EFNA5: variants seen among roughly 807,000 people sequenced by gnomAD.
The protein encoded by EFNA5 is ephrin A5.
Under a neutral mutation model 22.9 loss-of-function variants are expected in EFNA5, and 5 were observed. The ratio of observed to expected loss-of-function variants is 0.22; its 90% CI spans 0.11 to 0.46. The LOEUF (loss-of-function observed/expected upper bound fraction) is 0.46, where lower values mean the gene tolerates loss of function less well. Ranked by LOEUF, EFNA5 falls within the 20% of genes least tolerant of loss-of-function variation. The probability of loss-of-function intolerance (pLI) is 0.99; values close to 1 mark genes in which losing one functional copy is unlikely to be tolerated. For synonymous variants in EFNA5, 113 were observed against 112.2 expected (o/e 1.01, Z -0.04); for missense variants, 237 against 293.3 (o/e 0.81, Z 1.40).
In EFNA5 at chr5:107,447,281, T is replaced by C. The variant is rs192913256; in HGVS notation, c.126-19772A>G. Among the ~76,000 whole-genome samples, 9 of 152,024 alleles carry C rather than the reference T, an allele frequency of 5.9e-5. No homozygotes were observed. The East Asian group carries it at 1.7e-3, about 29-fold the overall frequency. On this transcript the variant is annotated intron_variant, in intron 1 of 4. Coordinates refer to ENST00000333274, the MANE Select transcript of EFNA5 (RefSeq NM_001962.3). ...ACTGCATTAGACTAAATGATGTTTC[T>C]CTACAGGAAGGCCTGTTTTAACTTA...
intron 2 of EFNA5, among the ~76,000 whole-genome samples, chr5:107,392,270 A>G (rs1170150885): frequency 6.6e-6 from 1 of 152,078 alleles, no homozygotes; most frequent in Non-Finnish European, 1.5e-5. Flanking sequence ...ACTTGCTTCT[A>G]AAGAGTAGAA....
At chr5:107,517,715 A>AC (rs1279481633) in intron 1 of EFNA5, among the ~76,000 whole-genome samples, 2 of 152,172 alleles carry the variant, frequency 1.3e-5, no homozygotes, top group East Asian at 1.9e-4. Flanking sequence ...ATATTATGCA[A>AC]TGTATGTGAT....
chr5:107,521,692 A>C (rs952109953), intron 1 of EFNA5, among the ~76,000 whole-genome samples: 1 of 152,080 alleles, frequency 6.6e-6, no homozygotes, highest in Admixed American at 6.6e-5. Context: ...ACTGTACTGC[A>C]TATCGCCAGC....
chr5:107,506,798 C>A (rs1442530557), intron 1 of EFNA5, among the ~76,000 whole-genome samples: 2 of 152,092 alleles, frequency 1.3e-5, no homozygotes, highest in African/African-American at 4.8e-5. Flanking sequence ...GAGGGTGAAA[C>A]CTACTCAGAA....
At chr5:107,499,294 CCTTT>C (rs1457121870) in intron 1 of EFNA5, among the ~76,000 whole-genome samples, 1 of 152,166 alleles carries the variant, frequency 6.6e-6, no homozygotes, top group Non-Finnish European at 1.5e-5. Context: ...TACTCTTCTC[CCTTT>C]CTGTCTCTGA....
chr5:107,520,422 T>A (rs1425441528), intron 1 of EFNA5, among the ~76,000 whole-genome samples: 1 of 152,180 alleles, frequency 6.6e-6, no homozygotes, highest in Non-Finnish European at 1.5e-5. Flanking sequence ...TGAAAATGCT[T>A]TCAATCTGAA....
chr5:107,495,012 C>G (rs1385561660), intron 1 of EFNA5, among the ~76,000 whole-genome samples: 1 of 152,146 alleles, frequency 6.6e-6, no homozygotes, highest in Admixed American at 6.5e-5. Flanking sequence ...AATCAGTGCC[C>G]TGTCAAAACA....
At chr5:107,572,534 A>G (rs766808982) in intron 1 of EFNA5, among the ~76,000 whole-genome samples, 8 of 152,226 alleles carry the variant, frequency 5.3e-5, no homozygotes, top group Non-Finnish European at 1.2e-4. Flanking sequence ...TCACAGATAC[A>G]GTGCTTGACT....
At chr5:107,436,936 G>A (rs918514229) in intron 1 of EFNA5, among the ~76,000 whole-genome samples, 3 of 145,122 alleles carry the variant, frequency 2.1e-5, no homozygotes, top group African/African-American at 7.5e-5. Flanking sequence ...TAACTAAAGG[G>A]TTAATAAGTA....
chr5:107,646,809 A>G (rs1298891485), intron 1 of EFNA5, among the ~76,000 whole-genome samples: 1 of 152,210 alleles, frequency 6.6e-6, no homozygotes, highest in African/African-American at 2.4e-5. Context: ...CTTGACCACA[A>G]ATAAATTTTT....
intron 1 of EFNA5, among the ~76,000 whole-genome samples, chr5:107,665,671 C>T (rs73781156): frequency 0.028 from 4,209 of 152,208 alleles, 198 homozygotes; most frequent in African/African-American, 0.096. Context: ...AAAAATCAGA[C>T]AGTTGAGTAT....
intron 1 of EFNA5, among the ~76,000 whole-genome samples, chr5:107,465,877 A>G (rs773374915): frequency 6.6e-6 from 1 of 151,982 alleles, no homozygotes; most frequent in Non-Finnish European, 1.5e-5. Flanking sequence ...AAGGGAATGA[A>G]CTCAGGTTCA....
intron 2 of EFNA5, among the ~76,000 whole-genome samples, chr5:107,413,830 G>A (rs989792231): frequency 3.3e-5 from 5 of 152,082 alleles, no homozygotes; most frequent in African/African-American, 1.2e-4. Flanking sequence ...GCAGAAGGAA[G>A]GATTTATTAT....
At position 107,592,013 on chromosome 5, in the gene EFNA5, A is replaced by AT. The variant is rs1749374101; in HGVS notation, c.125+78475dup. Among the ~76,000 whole-genome samples the AT allele has an allele frequency of 4.3e-5, 2 of 46,210 alleles. 1 individual carries two copies. Among genetic ancestry groups the AT allele is most frequent in the African/African-American group, 2.5e-4 (2 of 8,092 alleles). 30.3% of individuals were successfully genotyped at this position (46,210 alleles called of 152,430 possible). ...ATAATATATATAATATATAATATAT[A>AT]TAATATAATATATATTATATATTAT... On this transcript the variant is annotated intron_variant, in intron 1 of 4. Transcript: ENST00000333274.
intron 1 of EFNA5, among the ~76,000 whole-genome samples, chr5:107,524,332 G>A (rs1264282297): frequency 6.6e-6 from 1 of 152,174 alleles, no homozygotes; most frequent in Non-Finnish European, 1.5e-5. Flanking sequence ...ATTAATAATG[G>A]CAAAACATAG....
chr5:107,547,764 A>C (rs2112465952), intron 1 of EFNA5, among the ~76,000 whole-genome samples: 1 of 152,302 alleles, frequency 6.6e-6, no homozygotes, highest in Admixed American at 6.5e-5. Context: ...ACAAGAGGTG[A>C]CTTTGTAAGA....
At chr5:107,508,896 A>C (rs1747303979) in intron 1 of EFNA5, among the ~76,000 whole-genome samples, 1 of 152,184 alleles carries the variant, frequency 6.6e-6, no homozygotes, top group Non-Finnish European at 1.5e-5. Flanking sequence ...ATTTCATTTA[A>C]TCATTCACTT....
At chr5:107,445,629 C>A (rs539169818) in intron 1 of EFNA5, among the ~76,000 whole-genome samples, 1 of 152,168 alleles carries the variant, frequency 6.6e-6, no homozygotes, top group Non-Finnish European at 1.5e-5. Flanking sequence ...GGATGTTCGA[C>A]AGAGGCAGAG....
chr5:107,469,479 TAAC>T (rs1466155722), intron 1 of EFNA5, among the ~76,000 whole-genome samples: 4 of 152,320 alleles, frequency 2.6e-5, no homozygotes, highest in African/African-American at 7.2e-5. Context: ...GCTTGGTTGT[TAAC>T]AACAGGCAGT....
Sources: allele counts gnomAD v4.1 joint callset (sites outside exome capture counted in the v4.1 genomes callset), GRCh38; gene constraint gnomAD v4.1.1; transcripts MANE v1.5; gene names NCBI Gene and HGNC (gene_info 2026-07-23, HGNC 2026-07-21).